The following MAP3K19 variants were observed in gnomAD, a reference collection of about 807,000 sequenced individuals.
MAP3K19 encodes the protein mitogen-activated protein kinase kinase kinase 19, also known as SPS1/STE20-related protein kinase YSK4.
Under a neutral mutation model 114.4 loss-of-function variants are expected in MAP3K19, and 91 were observed. The ratio of observed to expected loss-of-function variants is 0.80; its 90% CI spans 0.67 to 0.95. The LOEUF is 0.95. Among genes scored for constraint, MAP3K19 ranks in the 40% least tolerant of loss-of-function variants. The pLI is 0.00. For missense variants in MAP3K19, 1,471 were observed against 1,573.2 expected (o/e 0.94, Z 1.10); for synonymous variants, 518 against 530.5 (o/e 0.98, Z 0.32).
At chr2:135,021,366 C>T (rs543204408) in intron 5 of MAP3K19, among the ~76,000 whole-genome samples, 1 of 152,238 alleles carries the variant, frequency 6.6e-6, no homozygotes, top group South Asian at 2.1e-4. Flanking sequence ...CCTGCTGGCA[C>T]CCTGATCTCA....
intron 12 of MAP3K19, among the ~76,000 whole-genome samples, chr2:134,973,631 T>C (rs1684020795): frequency 6.6e-6 from 1 of 152,202 alleles, no homozygotes; most frequent in Non-Finnish European, 1.5e-5. Context: ...ATTTTGTTGA[T>C]TGTTTTCTGG....
intron 5 of MAP3K19, among the ~76,000 whole-genome samples, chr2:135,017,071 G>C (rs1413944707): frequency 2.0e-5 from 3 of 151,764 alleles, no homozygotes; most frequent in African/African-American, 7.3e-5. Flanking sequence ...TTGTTGTTTT[G>C]ATGCTACTTT....
chr2:134,991,481 T>C (rs1685571685), intron 9 of MAP3K19, 56 bp downstream of exon 9: 1 of 1,451,540 alleles, frequency 6.9e-7, no homozygotes, highest in African/African-American at 1.4e-5. Flanking sequence ...TCTAAATTAG[T>C]GAATAGAGTT....
Position 135,021,703 on chromosome 2 carries a change from G to A in MAP3K19, c.138+12C>T, listed in dbSNP as rs745923506. 2.5e-5 allele frequency: 38 copies of A among 1,513,038 alleles called. No homozygotes were observed. In the South Asian group the frequency reaches 4.1e-4, roughly 16 times the overall value. 93.7% of individuals were successfully genotyped at this position (1,513,038 alleles called of 1,614,324 possible). A position where few individuals can be genotyped will look rare whatever the true frequency, so the allele number is the denominator to read the frequency against. Reference sequence around the variant, plus strand: ...TAGGCTGTCCGTTGTTTCTTTAAAGGGAGGCTCTTACCTCACTTCTGCTGA... The same window carrying A: ...TAGGCTGTCCGTTGTTTCTTTAAAGAGAGGCTCTTACCTCACTTCTGCTGA... On this transcript the variant is annotated intron_variant, in intron 5 of 12. Coordinates refer to ENST00000392915, the MANE Select transcript of MAP3K19 (RefSeq NM_025052.5).
Position 134,999,435 on chromosome 2 carries a change from T to G in MAP3K19, c.315-438A>C. On this transcript the variant is annotated intron_variant, in intron 7 of 12. Coordinates refer to ENST00000392915, the MANE Select transcript of MAP3K19 (RefSeq NM_025052.5). The surrounding 1 kb of genome is among the most constrained non-coding windows in gnomAD (Gnocchi z 4.1). Reference sequence around the variant, plus strand: ...AATTGCCATAAAAATGGAAGAAAAATAAAAGACATGCAAAAAATAAGCCTC... The same window carrying G: ...AATTGCCATAAAAATGGAAGAAAAAGAAAAGACATGCAAAAAATAAGCCTC... 6.6e-6 allele frequency among the ~76,000 whole-genome samples: 1 copy of G among 152,240 alleles called. No homozygotes were observed. The highest frequency in any genetic ancestry group is 1.9e-4 in the East Asian group (1 of 5,188).
At chr2:135,024,227 C>T (rs1343913069) in intron 4 of MAP3K19, among the ~76,000 whole-genome samples, 3 of 152,254 alleles carry the variant, frequency 2.0e-5, no homozygotes, top group African/African-American at 7.2e-5. Flanking sequence ...AAGTCACACG[C>T]TGCTCAGTGG....
chr2:134,976,010 C>T (rs113713975), intron 12 of MAP3K19, among the ~76,000 whole-genome samples: 2,163 of 152,284 alleles, frequency 0.014, 53 homozygotes, highest in African/African-American at 0.046. Flanking sequence ...CTCCCTGGTG[C>T]GCTGCACTGT....
rs187181148 is a variant in MAP3K19, at chr2:134,974,881, A to G, written c.3920+5940T>C. On this transcript the variant is annotated intron_variant, in intron 12 of 12. Transcript: ENST00000392915. ...AAGACTCTTTCCTGAAGATGTATCT[A>G]TGGTGTTGATTGGGTAGGATGCTTT... Among the ~76,000 whole-genome samples the G allele has an allele frequency of 1.2e-4, 18 of 152,282 alleles. 1 individual carries two copies. The highest frequency in any genetic ancestry group is 3.4e-4 in the African/African-American group (14 of 41,552).
chr2:135,024,511 A>G (rs1433221547), intron 4 of MAP3K19, 115 bp downstream of exon 4: 7 of 966,822 alleles, frequency 7.2e-6, no homozygotes, highest in East Asian at 2.4e-5. Context: ...TGCTCCATAA[A>G]TAGCCGTGGA....
chr2:135,003,449 G>A (rs1308621475), intron 6 of MAP3K19, among the ~76,000 whole-genome samples: 1 of 152,136 alleles, frequency 6.6e-6, no homozygotes. Flanking sequence ...TAGTTTTAGG[G>A]AATAGGCTCT....
At chr2:135,001,594 C>A (rs893028898) in intron 6 of MAP3K19, among the ~76,000 whole-genome samples, 2 of 152,170 alleles carry the variant, frequency 1.3e-5, no homozygotes, top group African/African-American at 4.8e-5. Flanking sequence ...AGTGCAAACA[C>A]CTAGCTGACA....
At chr2:135,013,245 A>G (rs998345121) in intron 5 of MAP3K19, among the ~76,000 whole-genome samples, 1 of 151,698 alleles carries the variant, frequency 6.6e-6, no homozygotes, top group Non-Finnish European at 1.5e-5. Context: ...ACTTGAACCC[A>G]GGAGGTGAAG....
intron 8 of MAP3K19, among the ~76,000 whole-genome samples, chr2:134,992,869 C>T (rs1173441773): frequency 3.3e-5 from 5 of 151,860 alleles, no homozygotes; most frequent in South Asian, 2.1e-4. Context: ...TTAGTAGACA[C>T]GGGGTTTCAC....
At chr2:134,975,667 C>T (rs1209167482) in intron 12 of MAP3K19, among the ~76,000 whole-genome samples, 1 of 152,148 alleles carries the variant, frequency 6.6e-6, no homozygotes, top group Non-Finnish European at 1.5e-5. Flanking sequence ...CCGTCAGTGG[C>T]AGCAGCTTCA....
In MAP3K19 at chr2:134,964,597, T is replaced by C; in HGVS notation, c.*253A>G. ...AATAGAGAATGTAGTTCCTGGACAA[T>C]CAAAACTGTAAACACTGAAATAGTT... is the stretch of plus-strand genomic sequence containing the variant. On this transcript the variant is annotated 3_prime_UTR_variant, in exon 13 of 13. Transcript: ENST00000392915. 1 of 292,786 alleles carries C rather than the reference T, an allele frequency of 3.4e-6. No individual in the cohort carries two copies. The highest frequency in any genetic ancestry group is 6.4e-6 in the Non-Finnish European group (1 of 156,818). The allele number at this position is 292,786 out of a possible 1,614,324, so 18.1% of individuals were successfully genotyped here. A position where few individuals can be genotyped will look rare whatever the true frequency, so the allele number is the denominator to read the frequency against.
intron 2 of MAP3K19, among the ~76,000 whole-genome samples, chr2:135,037,264 C>T (rs1274461941): frequency 6.6e-6 from 1 of 152,208 alleles, no homozygotes; most frequent in African/African-American, 2.4e-5. Flanking sequence ...TCCCAAAGTG[C>T]TGGGATTACA....
rs1686320261 is a variant in MAP3K19, at chr2:134,999,986, C to A, written c.265G>T (p.Asp89Tyr). ...CTCATTTCTTGGGGAGGACTGACAT[C>A]TCTTGGAAAAGTTACAGTGATCTCA... is the stretch of plus-strand genomic sequence containing the variant. ...GVEITVTFPR[D>Y]VSPPQEMSQE... is the part of the protein sequence containing the mutation. The change falls in exon 7 of 13, where the codon GAT (aspartate) becomes TAT (tyrosine). Residue 89 changes from aspartate (D) to tyrosine (Y), a missense_variant. Asp to Tyr is a radical substitution (Grantham distance 160). Transcript: ENST00000392915. The surrounding 1 kb of genome is among the most constrained non-coding windows in gnomAD (Gnocchi z 4.1). 1 of 1,611,990 alleles carries A rather than the reference C, an allele frequency of 6.2e-7. No individual in the cohort carries two copies. The highest frequency in any genetic ancestry group is 1.1e-5 in the South Asian group (1 of 91,020).
intron 12 of MAP3K19, among the ~76,000 whole-genome samples, chr2:134,966,855 G>T (rs1683392552): frequency 6.6e-6 from 1 of 152,154 alleles, no homozygotes; most frequent in South Asian, 2.1e-4. Context: ...TGTTCTCCAT[G>T]GTCATGGCCC....
At chr2:134,997,469 C>T (rs1333188273) in intron 8 of MAP3K19, among the ~76,000 whole-genome samples, 1 of 152,092 alleles carries the variant, frequency 6.6e-6, no homozygotes, top group Non-Finnish European at 1.5e-5. Context: ...GAACTGTACA[C>T]TTGAAAATGA....
Sources: allele counts gnomAD v4.1 joint callset (sites outside exome capture counted in the v4.1 genomes callset), GRCh38; gene constraint gnomAD v4.1.1; non-coding constraint Gnocchi (gnomAD v3.1); transcripts MANE v1.5; gene names NCBI Gene and HGNC (gene_info 2026-07-23, HGNC 2026-07-21).